The following COPS3 variants were observed in gnomAD, a reference collection of about 807,000 sequenced individuals.
The protein encoded by COPS3 is COP9 signalosome complex subunit 3.
Under a neutral mutation model 58.2 loss-of-function variants are expected in COPS3, and 10 were observed. The ratio of observed to expected loss-of-function variants is 0.17; its 90% CI spans 0.11 to 0.29. The LOEUF is 0.29. COPS3 is among the 10% of genes least tolerant of loss of function. The pLI, the probability that COPS3 is intolerant of heterozygous loss-of-function variation, is 1.00. For missense variants in COPS3, 333 were observed against 510.1 expected, an observed-to-expected ratio of 0.65 and a Z score of 3.34; for synonymous variants, 187 against 181.7, an observed-to-expected ratio of 1.03 and a Z score of -0.24.
chr17:17,275,067 T>C (rs1232110177), intron 2 of COPS3, among the ~76,000 whole-genome samples: 1 of 151,490 alleles, frequency 6.6e-6, no homozygotes, highest in African/African-American at 2.4e-5. Flanking sequence ...CCTTAGTATG[T>C]TCTCAAAGCA....
chr17:17,252,515 C>A (rs562503363), intron 9 of COPS3, among the ~76,000 whole-genome samples: 1 of 152,112 alleles, frequency 6.6e-6, no homozygotes, highest in African/African-American at 2.4e-5. Context: ...ACCCATTAGA[C>A]GCCAGTAGCA....
chr17:17,260,174 T>C, intron 8 of COPS3, 127 bp downstream of exon 8: 1 of 933,614 alleles, frequency 1.1e-6, no homozygotes, highest in Non-Finnish European at 1.6e-6. Flanking sequence ...GAGAGTTCTC[T>C]CTCAGCACAG....
chr17:17,252,475 GCA>G (rs2145192084), intron 9 of COPS3, among the ~76,000 whole-genome samples: 1 of 152,132 alleles, frequency 6.6e-6, no homozygotes, highest in African/African-American at 2.4e-5. Context: ...CCTGGGCACT[GCA>G]GGACGTTTAG....
chr17:17,276,423 G>T (rs1325067049), intron 1 of COPS3, among the ~76,000 whole-genome samples: 2 of 124,740 alleles, frequency 1.6e-5, no homozygotes, highest in Non-Finnish European at 3.4e-5. Context: ...CTGTTTTCTA[G>T]TCTCCCAAGC....
Position 17,249,350 on chromosome 17 carries a change from G to A in COPS3, c.1024-311C>T, listed in dbSNP as rs530519009. 2.0e-5 allele frequency among the ~76,000 whole-genome samples: 3 copies of A among 152,130 alleles called. No individual in the cohort carries two copies. The South Asian group carries it at 6.2e-4, about 32-fold the overall frequency. On this transcript the variant is annotated intron_variant, in intron 9 of 11. Transcript: ENST00000268717. ...TTTATTTATTTATTTATTTGAGATG[G>A]AGTCTCGCTGTCCCCCAGGCTGGAG...
At position 17,260,337 on chromosome 17, in the gene COPS3, T is replaced by C; in HGVS notation, c.900A>G (p.Ser300=). ...NNMGLVKQCL[S]SLYKKNIQRL... ...TCTGAATATTCTTCTTATAAAGAGATGACAAGCATTGCTTCACCAGCCCCA... is the reference window on the plus strand; with the variant it reads ...TCTGAATATTCTTCTTATAAAGAGACGACAAGCATTGCTTCACCAGCCCCA... Residue 300 remains serine, a synonymous_variant, in exon 8 of 12, where the codon TCA becomes TCG. Coordinates refer to ENST00000268717, the MANE Select transcript of COPS3 (RefSeq NM_003653.4). 1 of 1,614,174 alleles carries C rather than the reference T, an allele frequency of 6.2e-7. No individual in the cohort carries two copies. The highest frequency in any genetic ancestry group is 8.5e-7 in the Non-Finnish European group (1 of 1,180,010).
chr17:17,270,873 G>A, intron 3 of COPS3, 23 bp downstream of exon 3: 1 of 1,607,976 alleles, frequency 6.2e-7, no homozygotes. Context: ...TTTCAATGGA[G>A]AATAAAATGT....
chr17:17,268,656 T>TA (rs1487241938), intron 4 of COPS3, among the ~76,000 whole-genome samples: 1 of 151,942 alleles, frequency 6.6e-6, no homozygotes, highest in Non-Finnish European at 1.5e-5. Context: ...CCATGTCTAC[T>TA]AAAAATACAA....
chr17:17,280,359 C>A (rs1353131159), intron 1 of COPS3, among the ~76,000 whole-genome samples: 1 of 150,826 alleles, frequency 6.6e-6, no homozygotes, highest in Non-Finnish European at 1.5e-5. Context: ...GCCGAGACCG[C>A]GCCACTGCAC....
At chr17:17,280,470 G>GA in intron 1 of COPS3, 1 of 941,788 alleles carries the variant, frequency 1.1e-6, no homozygotes, top group Non-Finnish European at 1.4e-6. Flanking sequence ...TGAGACAGGA[G>GA]AATCGCTTGA....
intron 9 of COPS3, among the ~76,000 whole-genome samples, chr17:17,251,240 C>T (rs766814856): frequency 6.6e-6 from 1 of 151,714 alleles, no homozygotes. Context: ...ATGATCTGCC[C>T]GCCTCAGCCT....
intron 9 of COPS3, 32 bp downstream of exon 9, chr17:17,254,827 A>G (rs541589326): frequency 4.1e-5 from 59 of 1,424,514 alleles, no homozygotes; most frequent in African/African-American, 5.9e-5. Context: ...AAAAAAAAAA[A>G]AAAAAGAAAA....
intron 1 of COPS3, among the ~76,000 whole-genome samples, chr17:17,278,423 C>T (rs2048506459): frequency 6.6e-6 from 1 of 152,158 alleles, no homozygotes; most frequent in Admixed American, 6.5e-5. Flanking sequence ...TAACACTTTT[C>T]AATTTGATAC....
At chr17:17,280,537 G>A in intron 1 of COPS3, 4 of 1,250,916 alleles carry the variant, frequency 3.2e-6, no homozygotes, top group Non-Finnish European at 4.2e-6. Flanking sequence ...TCCAGCCTCG[G>A]CTAAAAAAAA....
intron 1 of COPS3, among the ~76,000 whole-genome samples, chr17:17,277,774 A>G (rs1261862155): frequency 2.0e-5 from 3 of 152,170 alleles, no homozygotes; most frequent in Non-Finnish European, 4.4e-5. Flanking sequence ...ATTAGGCCTC[A>G]GCCGGGTGCT....
At chr17:17,247,190 T>A (rs763611249) in intron 11 of COPS3, 39 bp from the exon 12 acceptor site, 9 of 1,595,730 alleles carry the variant, frequency 5.6e-6, no homozygotes, top group Non-Finnish European at 7.7e-6. Context: ...TATGTTTGCT[T>A]TTATCAAGGG....
intron 9 of COPS3, among the ~76,000 whole-genome samples, chr17:17,254,185 G>T (rs574964421): frequency 1.5e-4 from 23 of 151,518 alleles, no homozygotes; most frequent in African/African-American, 4.8e-4. Flanking sequence ...ATACATGCCT[G>T]TAGTCCCAGC....
chr17:17,264,330 T>C (rs955824890), intron 6 of COPS3, among the ~76,000 whole-genome samples: 1 of 120,084 alleles, frequency 8.3e-6, no homozygotes, highest in Non-Finnish European at 2.0e-5. Context: ...TTGTGTACTA[T>C]GTTTCATTAC....
intron 5 of COPS3, among the ~76,000 whole-genome samples, chr17:17,266,076 TA>T (rs921526942): frequency 1.3e-5 from 2 of 152,148 alleles, no homozygotes; most frequent in African/African-American, 4.8e-5. Flanking sequence ...ACAATTTTTT[TA>T]AAACATTAAA....
Sources: gnomAD v4.1 joint callset for allele counts (sites outside exome capture counted in the v4.1 genomes callset) on GRCh38, gnomAD v4.1.1 for gene constraint, MANE v1.5 for transcripts, NCBI Gene and HGNC (gene_info 2026-07-23, HGNC 2026-07-21) for gene names.